MEMO1: variants seen among roughly 807,000 people sequenced by gnomAD.
MEMO1 encodes protein MEMO1.
MEMO1 carries 6 observed loss-of-function variants against 45.2 expected under a neutral mutation model. The ratio of observed to expected loss-of-function variants is 0.13; its 90% confidence interval spans 0.07 to 0.26. The LOEUF (loss-of-function observed/expected upper bound fraction) is 0.26, where lower values mean the gene tolerates loss of function less well. Ranked by LOEUF, MEMO1 falls within the 10% of genes least tolerant of loss-of-function variation. The pLI is 1.00. For missense variants in MEMO1, 184 were observed against 370.5 expected (o/e 0.50, Z 4.13); for synonymous variants, 78 against 124.3 (o/e 0.63, Z 2.48).
chr2:31,969,385 A>G (rs981908120), intron 2 of MEMO1, among the ~76,000 whole-genome samples: 3 of 149,482 alleles, frequency 2.0e-5, no homozygotes, highest in Non-Finnish European at 4.5e-5. Flanking sequence ...ACACATGTGT[A>G]TATATATACG....
intron 4 of MEMO1, chr2:31,923,697 G>C (rs766452639): frequency 2.6e-6 from 4 of 1,547,754 alleles, no homozygotes; most frequent in South Asian, 1.2e-5. Context: ...AAAAGACAGA[G>C]AGAAAGGATA....
intron 8 of MEMO1, among the ~76,000 whole-genome samples, chr2:31,871,694 C>T (rs1008706484): frequency 6.6e-6 from 1 of 152,008 alleles, no homozygotes; most frequent in Non-Finnish European, 1.5e-5. Context: ...GGTATATAAG[C>T]TCAGAGAAAT....
rs896610918 is a variant in MEMO1, at chr2:31,920,871, G to C, written c.252C>G (p.Pro84=). 19 of 1,612,048 alleles carry C rather than the reference G, an allele frequency of 1.2e-5. No individual in the cohort carries two copies. Among genetic ancestry groups the C allele is most frequent in the Non-Finnish European group, 1.5e-5 (18 of 1,179,142 alleles). Residue 84 remains proline, a synonymous_variant, in exon 5 of 10, where the codon CCC becomes CCG. Transcript: ENST00000404530. ...CACTGGAAAGTGCACATCGAGAGAG[G>C]GGCACATGATGAGAAGGCCCAAGGA... is the stretch of plus-strand genomic sequence containing the variant. ...IFILGPSHHV[P]LSRCALSSVD... is the part of the protein sequence containing the mutation.
At chr2:31,941,135 T>A (rs573080673) in intron 3 of MEMO1, among the ~76,000 whole-genome samples, 1 of 152,192 alleles carries the variant, frequency 6.6e-6, no homozygotes, top group East Asian at 1.9e-4. Context: ...AAAGTCCTTA[T>A]GACTACAAAG....
At chr2:31,911,582 C>T (rs1432692669) in intron 6 of MEMO1, among the ~76,000 whole-genome samples, 1 of 152,136 alleles carries the variant, frequency 6.6e-6, no homozygotes, top group African/African-American at 2.4e-5. Flanking sequence ...ATGTACCATA[C>T]TAATTCAAGA....
chr2:31,983,431 TTTTTG>T (rs943086930), intron 2 of MEMO1, among the ~76,000 whole-genome samples: 23 of 152,170 alleles, frequency 1.5e-4, no homozygotes, highest in African/African-American at 5.3e-4. Flanking sequence ...AAATCTTAGT[TTTTTG>T]TTTTTTTTGT....
chr2:31,880,900 T>C (rs1320277588), intron 8 of MEMO1, among the ~76,000 whole-genome samples: 1 of 152,048 alleles, frequency 6.6e-6, no homozygotes, highest in Non-Finnish European at 1.5e-5. Context: ...GGTAAATGTC[T>C]ATAGTCCCAG....
intron 2 of MEMO1, among the ~76,000 whole-genome samples, chr2:31,965,269 GA>G (rs1668477231): frequency 6.6e-6 from 1 of 151,456 alleles, no homozygotes; most frequent in African/African-American, 2.4e-5. Flanking sequence ...GGGAGGGAAG[GA>G]AGGGAAGAGA....
At chr2:31,874,489 G>C (rs1230676938) in intron 8 of MEMO1, among the ~76,000 whole-genome samples, 1 of 151,968 alleles carries the variant, frequency 6.6e-6, no homozygotes, top group African/African-American at 2.4e-5. Flanking sequence ...TCAAGTGCTA[G>C]AAATATAAAC....
intron 4 of MEMO1, among the ~76,000 whole-genome samples, chr2:31,922,749 A>T (rs967528799): frequency 6.6e-6 from 1 of 151,750 alleles, no homozygotes; most frequent in African/African-American, 2.4e-5. Context: ...TTCCTACGGG[A>T]GTTTGCTTAG....
chr2:31,929,122 G>T (rs1683556332), intron 4 of MEMO1, among the ~76,000 whole-genome samples: 1 of 152,010 alleles, frequency 6.6e-6, no homozygotes. Flanking sequence ...TTACATAGCT[G>T]TATTGTTCTT....
At chr2:31,915,299 T>G (rs149252588) in intron 6 of MEMO1, among the ~76,000 whole-genome samples, 1 of 152,254 alleles carries the variant, frequency 6.6e-6, no homozygotes, top group African/African-American at 2.4e-5. Context: ...TAAAGAGACA[T>G]GAATTGTCCA....
At chr2:31,950,614 G>C (rs1666736242) in intron 2 of MEMO1, among the ~76,000 whole-genome samples, 1 of 150,338 alleles carries the variant, frequency 6.7e-6, no homozygotes, top group Admixed American at 6.6e-5. Context: ...TCCCAGATTT[G>C]GGAGGCTGAG....
chr2:31,903,522 T>C (rs541726949), intron 6 of MEMO1, among the ~76,000 whole-genome samples: 46 of 152,342 alleles, frequency 3.0e-4, no homozygotes, highest in Non-Finnish European at 5.4e-4. Flanking sequence ...ACCTCCTCTT[T>C]AGGCTTTTCG....
intron 3 of MEMO1, among the ~76,000 whole-genome samples, chr2:31,932,498 G>C (rs1200871064): frequency 6.6e-6 from 1 of 151,778 alleles, no homozygotes; most frequent in Non-Finnish European, 1.5e-5. Context: ...CAATACAGTG[G>C]TGCAATCATG....
intron 2 of MEMO1, among the ~76,000 whole-genome samples, chr2:31,953,140 G>A (rs1667020285): frequency 6.6e-6 from 1 of 152,064 alleles, no homozygotes; most frequent in East Asian, 1.9e-4. Flanking sequence ...AGGCCAAAGT[G>A]GGCGGATCAT....
chr2:31,926,877 CAAAACAAAAA>C (rs1238236257), intron 4 of MEMO1, among the ~76,000 whole-genome samples: 1 of 150,380 alleles, frequency 6.6e-6, no homozygotes, highest in African/African-American at 2.4e-5. Context: ...CAAAACAAAA[CAAAACAAAAA>C]GTGATTTTTT....
intron 7 of MEMO1, among the ~76,000 whole-genome samples, chr2:31,886,934 G>C (rs1029921638): frequency 6.6e-6 from 1 of 152,158 alleles, no homozygotes; most frequent in South Asian, 2.1e-4. Flanking sequence ...TAGTGAGTAT[G>C]TCAGTAGTTT....
chr2:31,991,855 T>C (rs775329884), intron 2 of MEMO1, among the ~76,000 whole-genome samples: 9 of 152,104 alleles, frequency 5.9e-5, no homozygotes, highest in Non-Finnish European at 1.3e-4. Context: ...TTTAAACCTA[T>C]AAATGAATCC....
Sources: allele counts gnomAD v4.1 joint callset (sites outside exome capture counted in the v4.1 genomes callset), GRCh38; gene constraint gnomAD v4.1.1; transcripts MANE v1.5; gene names NCBI Gene and HGNC (gene_info 2026-07-23, HGNC 2026-07-21).